The following TAFA1 variants were observed in gnomAD, a reference collection of about 807,000 sequenced individuals.
TAFA1 encodes the protein TAFA chemokine like family member 1.
In TAFA1, 4 loss-of-function variants were observed where a neutral mutation model predicts 18.5. The ratio of observed to expected loss-of-function variants is 0.22; its 90% CI spans 0.11 to 0.49. The LOEUF (loss-of-function observed/expected upper bound fraction) is 0.49. TAFA1 is among the 20% of genes least tolerant of loss of function. The pLI, the probability that TAFA1 is intolerant of heterozygous loss-of-function variation, is 0.98. For synonymous variants in TAFA1, 56 were observed against 55.2 expected, an observed-to-expected ratio of 1.01 and a Z score of -0.06; for missense variants, 147 against 169.0, an observed-to-expected ratio of 0.87 and a Z score of 0.72.
At chr3:68,457,166 G>GGT (rs2071681607) in intron 3 of TAFA1, among the ~76,000 whole-genome samples, 1 of 152,154 alleles carries the variant, frequency 6.6e-6, no homozygotes, top group Non-Finnish European at 1.5e-5. Flanking sequence ...AAAATTACAT[G>GGT]GTAGTATACT....
At chr3:68,263,438 C>A (rs2067475767) in intron 2 of TAFA1, among the ~76,000 whole-genome samples, 1 of 122,676 alleles carries the variant, frequency 8.2e-6, no homozygotes, top group South Asian at 3.1e-4. Flanking sequence ...ACTTTAACCA[C>A]ACACACATAC....
chr3:68,056,181 C>G (rs1180036567), intron 2 of TAFA1, among the ~76,000 whole-genome samples: 2 of 152,172 alleles, frequency 1.3e-5, no homozygotes, highest in Non-Finnish European at 2.9e-5. Flanking sequence ...GATTTCATAG[C>G]ACACCATTCC....
intron 3 of TAFA1, among the ~76,000 whole-genome samples, chr3:68,492,937 A>G (rs2072478895): frequency 6.6e-6 from 1 of 152,218 alleles, no homozygotes; most frequent in Admixed American, 6.5e-5. Context: ...AAGATGTGCT[A>G]AATATAATCT....
intron 3 of TAFA1, among the ~76,000 whole-genome samples, chr3:68,454,586 T>C (rs986730161): frequency 1.3e-5 from 2 of 152,190 alleles, no homozygotes; most frequent in African/African-American, 4.8e-5. Context: ...TTGGACACTA[T>C]GTAAGGACCA....
chr3:68,208,393 C>T (rs958855383), intron 2 of TAFA1, among the ~76,000 whole-genome samples: 3 of 151,928 alleles, frequency 2.0e-5, no homozygotes, highest in Non-Finnish European at 4.4e-5. Flanking sequence ...TTCCTTTTGG[C>T]CCCAAGAAAC....
intron 2 of TAFA1, among the ~76,000 whole-genome samples, chr3:68,114,461 A>G (rs1400077031): frequency 6.6e-6 from 1 of 152,244 alleles, no homozygotes; most frequent in African/African-American, 2.4e-5. Context: ...ACAAAAGATC[A>G]TATACAGGAG....
intron 3 of TAFA1, among the ~76,000 whole-genome samples, chr3:68,474,244 G>A (rs1194804497): frequency 1.3e-5 from 2 of 152,098 alleles, no homozygotes; most frequent in African/African-American, 2.4e-5. Context: ...CAGGATATAA[G>A]TCTGTATGTT....
At chr3:68,511,269 T>G (rs1361615778) in intron 3 of TAFA1, among the ~76,000 whole-genome samples, 1 of 152,136 alleles carries the variant, frequency 6.6e-6, no homozygotes, top group African/African-American at 2.4e-5. Flanking sequence ...TGTGATGAAT[T>G]TAAACATGAA....
chr3:68,051,351 G>A (rs1435157287), intron 2 of TAFA1, among the ~76,000 whole-genome samples: 3 of 152,078 alleles, frequency 2.0e-5, no homozygotes, highest in African/African-American at 7.2e-5. Flanking sequence ...ATCAGATCTG[G>A]CAGAGATATT....
At chr3:68,029,074 C>T (rs529962051) in intron 2 of TAFA1, among the ~76,000 whole-genome samples, 1 of 151,942 alleles carries the variant, frequency 6.6e-6, no homozygotes, top group Non-Finnish European at 1.5e-5. Flanking sequence ...TAACAGAAAA[C>T]TTGACATTGG....
intron 2 of TAFA1, among the ~76,000 whole-genome samples, chr3:68,353,992 G>A (rs1236511699): frequency 2.6e-5 from 4 of 151,962 alleles, no homozygotes; most frequent in African/African-American, 4.8e-5. Flanking sequence ...GTGGTGCTTG[G>A]ATTGGATTAG....
At chr3:68,313,749 T>G (rs1480652793) in intron 2 of TAFA1, among the ~76,000 whole-genome samples, 1 of 152,206 alleles carries the variant, frequency 6.6e-6, no homozygotes, top group Non-Finnish European at 1.5e-5. Flanking sequence ...CCTAACTGGA[T>G]GGACTTGTGT....
At chr3:68,226,378 C>T (rs1399953438) in intron 2 of TAFA1, among the ~76,000 whole-genome samples, 1 of 152,124 alleles carries the variant, frequency 6.6e-6, no homozygotes, top group African/African-American at 2.4e-5. Flanking sequence ...ATGAATGACT[C>T]TCATGTTTCT....
chr3:68,130,138 T>C (rs1161666241), intron 2 of TAFA1, among the ~76,000 whole-genome samples: 1 of 152,196 alleles, frequency 6.6e-6, no homozygotes, highest in Non-Finnish European at 1.5e-5. Flanking sequence ...TGCCCTGGAA[T>C]GAAGAGCCCA....
chr3:68,122,798 GTA>G (rs755150038), intron 2 of TAFA1, among the ~76,000 whole-genome samples: 1 of 151,570 alleles, frequency 6.6e-6, no homozygotes, highest in African/African-American at 2.4e-5. Context: ...GTATATGTGT[GTA>G]TATATATATG....
At chr3:68,416,388 A>G (rs1398841809) in intron 2 of TAFA1, among the ~76,000 whole-genome samples, 1 of 152,202 alleles carries the variant, frequency 6.6e-6, no homozygotes, top group Non-Finnish European at 1.5e-5. Context: ...ATTTTTGCCA[A>G]CTGCATCCTA....
intron 2 of TAFA1, among the ~76,000 whole-genome samples, chr3:68,372,263 C>T (rs940346036): frequency 1.3e-5 from 2 of 152,126 alleles, no homozygotes; most frequent in African/African-American, 4.8e-5. Context: ...TCTGGCCAAA[C>T]CCCCAGGAAT....
chr3:68,315,634 A>G (rs532295750), intron 2 of TAFA1, among the ~76,000 whole-genome samples: 1 of 152,310 alleles, frequency 6.6e-6, no homozygotes, highest in Non-Finnish European at 1.5e-5. Context: ...AATCATTTTA[A>G]TGAAGCACAG....
intron 2 of TAFA1, among the ~76,000 whole-genome samples, chr3:68,280,114 G>C (rs1409505403): frequency 6.6e-6 from 1 of 152,130 alleles, no homozygotes; most frequent in South Asian, 2.1e-4. Context: ...GCTGTTCACT[G>C]TCATTAAGAT....
Sources: allele counts gnomAD v4.1 joint callset (sites outside exome capture counted in the v4.1 genomes callset), GRCh38; gene constraint gnomAD v4.1.1; transcripts MANE v1.5; gene names NCBI Gene and HGNC (gene_info 2026-07-23, HGNC 2026-07-21).